PLXDC1: variants seen among roughly 807,000 people sequenced by gnomAD.
PLXDC1 encodes the protein plexin domain-containing protein 1.
Under a neutral mutation model 61.3 loss-of-function variants are expected in PLXDC1, and 39 were observed. The observed-to-expected ratio is 0.64, with a 90% CI of 0.49 to 0.83. The LOEUF is 0.83. PLXDC1 is among the 40% of genes least tolerant of loss of function. The pLI, the probability that PLXDC1 is intolerant of heterozygous loss-of-function variation, is 0.00. For synonymous variants in PLXDC1, 212 were observed against 254.5 expected, an observed-to-expected ratio of 0.83 and a Z score of 1.59; for missense variants, 596 against 666.5, an observed-to-expected ratio of 0.89 and a Z score of 1.17.
intron 2 of PLXDC1, among the ~76,000 whole-genome samples, chr17:39,123,922 C>A (rs1437985402): frequency 6.6e-6 from 1 of 152,134 alleles, no homozygotes; most frequent in Non-Finnish European, 1.5e-5. Flanking sequence ...CTTGGCTGGC[C>A]AGGCTGGTCA....
intron 11 of PLXDC1, among the ~76,000 whole-genome samples, chr17:39,074,817 G>T (rs1424286546): frequency 6.6e-6 from 1 of 152,128 alleles, no homozygotes; most frequent in Non-Finnish European, 1.5e-5. Context: ...AGCCTAGGGG[G>T]TTAACTGGCA....
At chr17:39,078,401 T>C (rs1011875417) in intron 10 of PLXDC1, among the ~76,000 whole-genome samples, 3 of 152,226 alleles carry the variant, frequency 2.0e-5, no homozygotes, top group African/African-American at 7.2e-5. Context: ...AGCCCCAGTT[T>C]TCCCCTGTGA....
chr17:39,134,965 C>T (rs1475652812), intron 2 of PLXDC1, among the ~76,000 whole-genome samples: 1 of 152,242 alleles, frequency 6.6e-6, no homozygotes, highest in Non-Finnish European at 1.5e-5. Flanking sequence ...GCGCCTGACT[C>T]ATCCTAGCCC....
At chr17:39,072,388 C>A in intron 12 of PLXDC1, 62 bp downstream of exon 12, 3 of 1,203,396 alleles carry the variant, frequency 2.5e-6, no homozygotes, top group Non-Finnish European at 3.6e-6. Flanking sequence ...GCTGCACCCT[C>A]TTCTGGGGTG....
intron 2 of PLXDC1, among the ~76,000 whole-genome samples, chr17:39,127,774 T>C (rs1038300837): frequency 1.3e-5 from 2 of 151,132 alleles, no homozygotes; most frequent in Non-Finnish European, 2.9e-5. Flanking sequence ...GCTAACACAG[T>C]GAAACCCCAT....
At chr17:39,073,586 G>A (rs1056247026) in intron 11 of PLXDC1, among the ~76,000 whole-genome samples, 1 of 152,210 alleles carries the variant, frequency 6.6e-6, no homozygotes, top group African/African-American at 2.4e-5. Flanking sequence ...CTGTGCCCAC[G>A]CAGCCTCTCT....
At chr17:39,136,287 C>T (rs1911750521) in intron 2 of PLXDC1, among the ~76,000 whole-genome samples, 2 of 152,090 alleles carry the variant, frequency 1.3e-5, no homozygotes, top group South Asian at 4.1e-4. Context: ...GAGGCACCTA[C>T]CTGGGGTACA....
Position 39,105,914 on chromosome 17 carries a change from G to A in PLXDC1, c.751C>T (p.Pro251Ser), listed in dbSNP as rs1910575347. 6.2e-7 allele frequency: 1 copy of A among 1,613,942 alleles called. No homozygotes were observed. Among genetic ancestry groups the A allele is most frequent in the Admixed American group, 1.7e-5 (1 of 59,998 alleles). The change falls in exon 7 of 14, where the codon CCT becomes TCT. Residue 251 changes from proline to serine, a missense_variant. Physicochemically the swap from Pro to Ser is moderately conservative, Grantham distance 74. Transcript: ENST00000315392. ...SVPEISSSQH[P>S]VKTGLSDAFM... Reference sequence around the variant, plus strand: ...GCATCCGATAGGCCGGTTTTGACAGGATGCTGGGAGGAGCTGATTTCCGGG... The same window carrying A: ...GCATCCGATAGGCCGGTTTTGACAGAATGCTGGGAGGAGCTGATTTCCGGG...
chr17:39,134,875 C>T (rs1911691765), intron 2 of PLXDC1, among the ~76,000 whole-genome samples: 1 of 151,892 alleles, frequency 6.6e-6, no homozygotes, highest in Non-Finnish European at 1.5e-5. Flanking sequence ...GCCCGCAGGA[C>T]CCCCAGAGCC....
At chr17:39,128,119 A>ATACATATATATG (rs1911393800) in intron 2 of PLXDC1, among the ~76,000 whole-genome samples, 1 of 124,804 alleles carries the variant, frequency 8.0e-6, no homozygotes, top group African/African-American at 3.3e-5. Flanking sequence ...ATATATGTAT[A>ATACATATATATG]TATATATGTG....
chr17:39,128,107 A>ATATATATATATATACATACATATATATG (rs1291982693), intron 2 of PLXDC1, among the ~76,000 whole-genome samples: 2 of 100,632 alleles, frequency 2.0e-5, no homozygotes, highest in African/African-American at 8.6e-5. Flanking sequence ...GTATATATAT[A>ATATATATATATATACATACATATATATG]TATATATGTA....
chr17:39,087,346 C>A (rs1032822041), intron 8 of PLXDC1, among the ~76,000 whole-genome samples: 1 of 152,290 alleles, frequency 6.6e-6, no homozygotes, highest in African/African-American at 2.4e-5. Context: ...TAGATCAAGC[C>A]CTAACCCCCA....
Position 39,067,666 on chromosome 17 carries a change from C to T in PLXDC1, c.*174G>A. 1.7e-6 allele frequency: 1 copy of T among 578,514 alleles called. No homozygotes were observed. The highest frequency in any genetic ancestry group is 3.0e-6 in the Non-Finnish European group (1 of 334,034). 35.8% of individuals were successfully genotyped at this position (578,514 alleles called of 1,614,324 possible). ...AATCCATGTGGTTGTTTTTTGGCCC[C>T]CTCTTCAATATTCGGGGTGTGCTGA... On this transcript the variant is annotated 3_prime_UTR_variant, in exon 14 of 14. Coordinates refer to ENST00000315392, the MANE Select transcript of PLXDC1 (RefSeq NM_020405.5).
intron 2 of PLXDC1, among the ~76,000 whole-genome samples, chr17:39,113,549 A>G (rs1280303754): frequency 1.3e-5 from 2 of 152,108 alleles, no homozygotes; most frequent in Non-Finnish European, 2.9e-5. Context: ...CTAATAGAAA[A>G]TTGATTTTGG....
At chr17:39,152,475 T>G, upstream of PLXDC1, 3 of 1,125,596 alleles carry the variant, frequency 2.7e-6, no homozygotes, top group Non-Finnish European at 3.4e-6. Context: ...ATACCCGCAA[T>G]GTAGGATATT....
At chr17:39,117,573 C>CA (rs61199530) in intron 2 of PLXDC1, among the ~76,000 whole-genome samples, 2,861 of 148,104 alleles carry the variant, frequency 0.019, 92 homozygotes, top group African/African-American at 0.065. Flanking sequence ...CCCAAGTCTA[C>CA]AAAAAAAAAA....
intron 2 of PLXDC1, among the ~76,000 whole-genome samples, chr17:39,124,439 C>G (rs1911257854): frequency 6.6e-6 from 1 of 152,054 alleles, no homozygotes; most frequent in African/African-American, 2.4e-5. Context: ...CAAAGAAAGA[C>G]AAAACTAGCT....
intron 7 of PLXDC1, among the ~76,000 whole-genome samples, chr17:39,092,743 G>A (rs1307447997): frequency 1.3e-5 from 2 of 152,206 alleles, no homozygotes; most frequent in African/African-American, 4.8e-5. Context: ...AAACCTCAGG[G>A]CTGGAAGCCA....
intron 7 of PLXDC1, among the ~76,000 whole-genome samples, chr17:39,102,446 A>G (rs1382730402): frequency 1.3e-5 from 2 of 152,138 alleles, no homozygotes; most frequent in Admixed American, 6.5e-5. Context: ...CAATGATTGG[A>G]CCACTGAGAA....
Sources: allele counts gnomAD v4.1 joint callset (sites outside exome capture counted in the v4.1 genomes callset), GRCh38; gene constraint gnomAD v4.1.1; transcripts MANE v1.5; gene names NCBI Gene and HGNC (gene_info 2026-07-23, HGNC 2026-07-21).